The following STARD13 variants were observed in gnomAD, a reference collection of about 807,000 sequenced individuals.
STARD13 encodes StAR related lipid transfer domain containing 13.
STARD13 carries 62 observed loss-of-function variants against 106.4 expected under a neutral mutation model. That is an observed-to-expected ratio of 0.58 (90% CI 0.48 to 0.72). The LOEUF is 0.72. Ranked by LOEUF, STARD13 falls within the 30% of genes least tolerant of loss-of-function variation. The pLI, the probability that STARD13 is intolerant of heterozygous loss-of-function variation, is 0.00. For missense variants in STARD13, 1,387 were observed against 1,424.0 expected (o/e 0.97, Z 0.42); for synonymous variants, 565 against 553.0 (o/e 1.02, Z -0.31).
At chr13:33,419,231 T>A in the STARD13 span, among the ~76,000 whole-genome samples, 4 of 152,048 alleles carry the variant, frequency 2.6e-5, no homozygotes, top group African/African-American at 9.7e-5. Context: ...ACAGGTTAGA[T>A]GAATGGGTAA....
chr13:33,401,456 A>G, the STARD13 span, among the ~76,000 whole-genome samples: 1 of 152,214 alleles, frequency 6.6e-6, no homozygotes, highest in African/African-American at 2.4e-5. Context: ...GTAGACAATT[A>G]TCAAGTGCCG....
chr13:33,586,755 CT>C, the STARD13 span, among the ~76,000 whole-genome samples: 22 of 152,140 alleles, frequency 1.4e-4, no homozygotes, highest in Non-Finnish European at 2.4e-4. Context: ...AGCTATGACC[CT>C]GATAGGTGAA....
chr13:33,183,098 G>A (rs1436832340), intron 1 of STARD13, among the ~76,000 whole-genome samples: 1 of 152,206 alleles, frequency 6.6e-6, no homozygotes, highest in East Asian at 1.9e-4. Context: ...GACATCATCT[G>A]TATCCCAGGT....
chr13:33,140,091 C>T (rs1374971045), intron 4 of STARD13, among the ~76,000 whole-genome samples: 1 of 152,150 alleles, frequency 6.6e-6, no homozygotes, highest in Non-Finnish European at 1.5e-5. Context: ...ACCGAAGTGA[C>T]CAATTTACAG....
chr13:33,555,308 TC>T, the STARD13 span, among the ~76,000 whole-genome samples: 1 of 152,198 alleles, frequency 6.6e-6, no homozygotes, highest in African/African-American at 2.4e-5. Flanking sequence ...TTGCTGGGCT[TC>T]AGCAAAGCTT....
rs1007628921 is a variant in STARD13, at chr13:33,145,423, C to A, written c.324-3050G>T. Among the ~76,000 whole-genome samples the A allele has an allele frequency of 2.0e-5, 3 of 152,194 alleles. No individual in the cohort carries two copies. In the East Asian group the frequency reaches 5.8e-4, roughly 29 times the overall value. On this transcript the variant is annotated intron_variant, in intron 3 of 13. Coordinates refer to ENST00000336934, the MANE Select transcript of STARD13 (RefSeq NM_178006.4). ...TCTCTTTGGAAAACAGTTTGGCAGT[C>A]TCTTATGAAATTAGATATATTTTTA...
the STARD13 span, among the ~76,000 whole-genome samples, chr13:33,455,662 G>A: frequency 1.3e-5 from 2 of 152,114 alleles, no homozygotes; most frequent in African/African-American, 2.4e-5. Context: ...GGCCAGGCAC[G>A]GTGGCTCACG....
chr13:33,332,706 A>G (rs2077850456), intron 1 of STARD13, among the ~76,000 whole-genome samples: 1 of 152,186 alleles, frequency 6.6e-6, no homozygotes, highest in Admixed American at 6.5e-5. Flanking sequence ...TGTATCCCAA[A>G]TAGCACCCCC....
the STARD13 span, among the ~76,000 whole-genome samples, chr13:33,551,568 C>CTTTTTTTTTTTTTTTTTTT: frequency 1.6e-3 from 70 of 44,794 alleles, 35 homozygotes; most frequent in East Asian, 5.3e-3. Flanking sequence ...TTTGCTTTTC[C>CTTTTTTTTTTTTTTTTTTT]CTTTTTTTTT....
At chr13:33,384,759 A>G in the STARD13 span, among the ~76,000 whole-genome samples, 1 of 152,076 alleles carries the variant, frequency 6.6e-6, no homozygotes, top group Non-Finnish European at 1.5e-5. Flanking sequence ...TATCCTGCCC[A>G]TCTCCTTAAT....
At chr13:33,444,045 G>C in the STARD13 span, among the ~76,000 whole-genome samples, 1 of 152,122 alleles carries the variant, frequency 6.6e-6, no homozygotes, top group Non-Finnish European at 1.5e-5. Context: ...TGAAGGAAGG[G>C]TACACTTTGG....
At chr13:33,434,997 C>T in the STARD13 span, among the ~76,000 whole-genome samples, 10 of 152,066 alleles carry the variant, frequency 6.6e-5, no homozygotes, top group Admixed American at 3.9e-4. Context: ...GCCATAGAAA[C>T]TAGTTGGGGA....
At chr13:33,666,144 G>A in the STARD13 span, among the ~76,000 whole-genome samples, 1 of 152,284 alleles carries the variant, frequency 6.6e-6, no homozygotes, top group African/African-American at 2.4e-5. Flanking sequence ...TCTAAATGGA[G>A]GAAAATTTCT....
chr13:33,310,173 G>A (rs913324980), intron 1 of STARD13, among the ~76,000 whole-genome samples: 4 of 152,134 alleles, frequency 2.6e-5, no homozygotes, highest in African/African-American at 9.7e-5. Context: ...GGGAGACCAC[G>A]TTGCTGACAC....
chr13:33,381,216 C>T, the STARD13 span, among the ~76,000 whole-genome samples: 1 of 152,020 alleles, frequency 6.6e-6, no homozygotes, highest in Non-Finnish European at 1.5e-5. Context: ...ACACTTTGAC[C>T]ACTTTGGCAG....
At chr13:33,194,823 T>C (rs529790688) in intron 1 of STARD13, among the ~76,000 whole-genome samples, 2 of 152,358 alleles carry the variant, frequency 1.3e-5, no homozygotes, top group Non-Finnish European at 2.9e-5. Context: ...ATGCTGTTAG[T>C]CATTTTTTAA....
chr13:33,184,284 G>T (rs1885538208), intron 1 of STARD13, among the ~76,000 whole-genome samples: 1 of 152,134 alleles, frequency 6.6e-6, no homozygotes, highest in Non-Finnish European at 1.5e-5. Context: ...AAAACAGTAG[G>T]GACAGGTCTG....
chr13:33,542,337 G>C, the STARD13 span, among the ~76,000 whole-genome samples: 9 of 152,206 alleles, frequency 5.9e-5, 1 homozygote, highest in Admixed American at 5.9e-4. Flanking sequence ...TAAGAAAACA[G>C]TACAGATCCA....
intron 1 of STARD13, among the ~76,000 whole-genome samples, chr13:33,205,171 C>T (rs926515640): frequency 1.3e-5 from 2 of 152,164 alleles, no homozygotes; most frequent in African/African-American, 2.4e-5. Flanking sequence ...ACTTTGAAAA[C>T]GAAGCCGTTG....
Sources: gnomAD v4.1 joint callset for allele counts (sites outside exome capture counted in the v4.1 genomes callset) on GRCh38, gnomAD v4.1.1 for gene constraint, MANE v1.5 for transcripts, NCBI Gene and HGNC (gene_info 2026-07-23, HGNC 2026-07-21) for gene names.